Variants in DNAJC21 observed in about 807,000 individuals in gnomAD.
DNAJC21 encodes dnaJ homolog subfamily C member 21.
Under a neutral mutation model 72.4 loss-of-function variants are expected in DNAJC21, and 63 were observed. The observed-to-expected ratio is 0.87, with a 90% CI of 0.71 to 1.07. The LOEUF is 1.07. Among genes scored for constraint, DNAJC21 ranks in the 50% least tolerant of loss-of-function variants. DNAJC21 has a pLI of 0.00. For missense variants in DNAJC21, 634 were observed against 644.8 expected (o/e 0.98, Z 0.18); for synonymous variants, 203 against 216.7 (o/e 0.94, Z 0.56).
intron 8 of DNAJC21, 126 bp from the exon 9 acceptor site, chr5:34,945,635 T>G (rs1765151209): frequency 2.7e-6 from 2 of 741,576 alleles, no homozygotes; most frequent in South Asian, 5.1e-5. Flanking sequence ...TGCTTTAAGA[T>G]ATTAAATATT....
chr5:34,945,708 C>G, intron 8 of DNAJC21, 53 bp from the exon 9 acceptor site: 1 of 1,448,384 alleles, frequency 6.9e-7, no homozygotes, highest in Non-Finnish European at 9.1e-7. Context: ...TTTTTTTCCA[C>G]TTACTCTTCA....
In DNAJC21 at chr5:34,957,627, C is replaced by T. The variant is rs1165880754; in HGVS notation, c.*2913C>T. 2 of 152,084 alleles carry T rather than the reference C, an allele frequency of 1.3e-5. No homozygotes were observed. Among genetic ancestry groups the T allele is most frequent in the Non-Finnish European group, 2.9e-5 (2 of 68,018 alleles). 9.4% of individuals were successfully genotyped at this position (152,084 alleles called of 1,614,324 possible). ...AAGTTTTCATTTTTTCTAAATCCTC[C>T]CCTACAAAATTTTCAGATTGGAAAT... On this transcript the variant is annotated 3_prime_UTR_variant, in exon 12 of 12. Coordinates refer to ENST00000648817, the MANE Select transcript of DNAJC21 (RefSeq NM_001012339.3).
In DNAJC21 at chr5:34,956,070, A is replaced by G. The variant is rs986339329; in HGVS notation, c.*1356A>G. 3.3e-5 allele frequency: 5 copies of G among 152,102 alleles called. No individual in the cohort carries two copies. Among genetic ancestry groups the G allele is most frequent in the Non-Finnish European group, 7.3e-5 (5 of 68,060 alleles). 9.4% of individuals were successfully genotyped at this position (152,102 alleles called of 1,614,324 possible). A position where few individuals can be genotyped will look rare whatever the true frequency, so the allele number is the denominator to read the frequency against. ...TCCGTCTCAAAAAAAAAAAAAAAAA[A>G]AAAAAGAAAGTAATTTTAAACTCAC... On this transcript the variant is annotated 3_prime_UTR_variant, in exon 12 of 12. Transcript: ENST00000648817.
At position 34,954,611 on chromosome 5, in the gene DNAJC21, T is replaced by G; in HGVS notation, c.1493T>G (p.Phe498Cys). The change falls in exon 12 of 12, where the codon TTT (phenylalanine) becomes TGT (cysteine). Residue 498 changes from phenylalanine (F) to cysteine (C), a missense_variant. Coordinates refer to ENST00000648817, the MANE Select transcript of DNAJC21 (RefSeq NM_001012339.3). ...GAATTTCCATCTCGGAATAAACTTT[T>G]TGACCATCTAAAGGCCACAGGTCAT... Reference protein sequence around the residue: ...HSEFPSRNKLFDHLKATGHAR... With the variant: ...HSEFPSRNKLCDHLKATGHAR... 6.2e-7 allele frequency: 1 copy of G among 1,613,682 alleles called. No individual in the cohort carries two copies. The highest frequency in any genetic ancestry group is 1.1e-5 in the South Asian group (1 of 91,004).
At chr5:34,934,575 T>C (rs552660225) in intron 2 of DNAJC21, among the ~76,000 whole-genome samples, 3 of 152,242 alleles carry the variant, frequency 2.0e-5, no homozygotes, top group South Asian at 4.2e-4. Context: ...AAAACTACTT[T>C]ATATGAAGAA....
chr5:34,946,713 A>G (rs1290521662), intron 9 of DNAJC21, among the ~76,000 whole-genome samples: 1 of 152,172 alleles, frequency 6.6e-6, no homozygotes, highest in African/African-American at 2.4e-5. Flanking sequence ...CAAACACCTT[A>G]TAATTATTAG....
Position 34,944,949 on chromosome 5 carries a change from T to A in DNAJC21, c.1066T>A (p.Phe356Ile). Residue 356 changes from phenylalanine to isoleucine, a missense_variant, in exon 8 of 12, where the codon TTT becomes ATT. Phe to Ile is a conservative substitution (Grantham distance 21). Coordinates refer to ENST00000648817, the MANE Select transcript of DNAJC21 (RefSeq NM_001012339.3). ...KQQLEEEEEN[F>I]SRPQIDENPL... ...ACAGCTGGAGGAGGAAGAAGAAAATTTTTCAAGACCTCAAATTGATGAAAA... is the reference window on the plus strand; with the variant it reads ...ACAGCTGGAGGAGGAAGAAGAAAATATTTCAAGACCTCAAATTGATGAAAA... The A allele has an allele frequency of 6.2e-7, 1 of 1,614,018 alleles. No individual in the cohort carries two copies. Among genetic ancestry groups the A allele is most frequent in the Admixed American group, 1.7e-5 (1 of 59,998 alleles).
chr5:34,937,491 C>G lies in DNAJC21; in HGVS notation c.604C>G (p.Leu202Val). The stretch of plus-strand genomic sequence containing the variant: ...CAAAGCAAGGAAAGAGAAGAATGAG[C>G]TTGTCCGTCAGCTGGTAGCTTTCAT... ...RDKARKEKNE[L>V]VRQLVAFIRK... Residue 202 changes from leucine (L) to valine (V), a missense_variant, in exon 5 of 12, where the codon CTT (leucine) becomes GTT (valine). By Grantham distance (32) the Leu-to-Val change is conservative (BLOSUM62 1). Coordinates refer to ENST00000648817, the MANE Select transcript of DNAJC21 (RefSeq NM_001012339.3). 6.2e-7 allele frequency: 1 copy of G among 1,614,120 alleles called. No individual in the cohort carries two copies. The highest frequency in any genetic ancestry group is 8.5e-7 in the Non-Finnish European group (1 of 1,179,992).
Position 34,936,268 on chromosome 5 carries a change from T to C in DNAJC21, c.438+2T>C. 2 of 1,604,856 alleles carry C rather than the reference T, an allele frequency of 1.2e-6. No individual in the cohort carries two copies. The highest frequency in any genetic ancestry group is 1.7e-6 in the Non-Finnish European group (2 of 1,177,920). On this transcript the variant is annotated splice_donor_variant, in intron 4 of 11. Coordinates refer to ENST00000648817, the MANE Select transcript of DNAJC21 (RefSeq NM_001012339.3). LOFTEE classifies it high-confidence loss of function. ...GACTCCCAGAGTGACTATGATACGG[T>C]AAAATAAAAATGCATTGTTCTATAA...
Position 34,937,551 on chromosome 5 carries a change from A to G in DNAJC21, c.664A>G (p.Lys222Glu). The change falls in exon 5 of 12, where the codon AAA becomes GAA. Residue 222 changes from lysine (K) to glutamate (E), a missense_variant. Transcript: ENST00000648817. Reference sequence around the variant, plus strand: ...AGATAAAAGAGTGCAGGCGCATCGAAAACTTGTGGAAGAACAGAATGCAGA... The same window carrying G: ...AGATAAAAGAGTGCAGGCGCATCGAGAACTTGTGGAAGAACAGAATGCAGA... ...KRDKRVQAHR[K>E]LVEEQNAEKA... 6.2e-7 allele frequency: 1 copy of G among 1,614,024 alleles called. No individual in the cohort carries two copies. Among genetic ancestry groups the G allele is most frequent in the Non-Finnish European group, 8.5e-7 (1 of 1,179,888 alleles).
intron 6 of DNAJC21, among the ~76,000 whole-genome samples, chr5:34,940,814 T>C (rs938235337): frequency 6.6e-6 from 1 of 152,220 alleles, no homozygotes; most frequent in African/African-American, 2.4e-5. Flanking sequence ...GGTAGAACTA[T>C]GAAAGTGGGA....
At chr5:34,940,932 C>G (rs182322938) in intron 6 of DNAJC21, among the ~76,000 whole-genome samples, 164 bp from the exon 7 acceptor site, 29 of 152,152 alleles carry the variant, frequency 1.9e-4, no homozygotes, top group Admixed American at 3.9e-4. Flanking sequence ...TTATTTGGAG[C>G]CTTTCCTTAT....
At chr5:34,941,065 AG>A (rs758397853) in intron 6 of DNAJC21, 30 bp from the exon 7 acceptor site, 1 of 1,562,862 alleles carries the variant, frequency 6.4e-7, no homozygotes, top group South Asian at 1.1e-5. Context: ...CTGATCAAAG[AG>A]GGTTCTTACT....
intron 9 of DNAJC21, among the ~76,000 whole-genome samples, chr5:34,947,476 C>T (rs1339560987): frequency 6.6e-6 from 1 of 151,872 alleles, no homozygotes; most frequent in Non-Finnish European, 1.5e-5. Flanking sequence ...TTGTTAATCA[C>T]ATATTTAATG....
rs1765585930 is a variant in DNAJC21, at chr5:34,958,037, G to A, written c.*3323G>A. On this transcript the variant is annotated 3_prime_UTR_variant, in exon 12 of 12. Coordinates refer to ENST00000648817, the MANE Select transcript of DNAJC21 (RefSeq NM_001012339.3). Reference sequence around the variant, plus strand: ...TATGGAAGAGGAAGCTGAGCTCAGGGAGATATGAGCTCCACAGCCACAGCT... The same window carrying A: ...TATGGAAGAGGAAGCTGAGCTCAGGAAGATATGAGCTCCACAGCCACAGCT... The A allele has an allele frequency of 6.6e-6, 1 of 152,192 alleles. No homozygotes were observed. Among genetic ancestry groups the A allele is most frequent in the Non-Finnish European group, 1.5e-5 (1 of 68,030 alleles). The allele number at this position is 152,192 out of a possible 1,614,324, so 9.4% of individuals were successfully genotyped here.
Position 34,955,329 on chromosome 5 carries a change from T to C in DNAJC21, c.*615T>C, listed in dbSNP as rs1477513449. 3.3e-5 allele frequency: 5 copies of C among 152,044 alleles called. No homozygotes were observed. Among genetic ancestry groups the C allele is most frequent in the South Asian group, 2.1e-4 (1 of 4,830 alleles). 9.4% of individuals were successfully genotyped at this position (152,044 alleles called of 1,614,324 possible). On this transcript the variant is annotated 3_prime_UTR_variant, in exon 12 of 12. Transcript: ENST00000648817. The stretch of plus-strand genomic sequence containing the variant: ...TTGATTTAATTTGATATTTTACTGG[T>C]TTACCAGTAAGGTGTATTGTTCAGT...
chr5:34,949,351 C>G (rs1215958271), intron 9 of DNAJC21, among the ~76,000 whole-genome samples: 1 of 152,042 alleles, frequency 6.6e-6, no homozygotes, highest in African/African-American at 2.4e-5. Flanking sequence ...GGGAGCTGCT[C>G]TAGAATAAAG....
At chr5:34,937,733 T>C (rs1764839934) in intron 5 of DNAJC21, 103 bp downstream of exon 5, 1 of 1,341,572 alleles carries the variant, frequency 7.5e-7, no homozygotes, top group African/African-American at 1.5e-5. Flanking sequence ...TCAGCCTGGC[T>C]TTATCCTGCT....
Position 34,938,871 on chromosome 5 carries a change from T to C in DNAJC21, c.757T>C (p.Tyr253His), listed in dbSNP as rs571760621. 6.8e-5 allele frequency: 110 copies of C among 1,613,664 alleles called. No homozygotes were observed. In the South Asian group the frequency reaches 1.2e-3, roughly 17 times the overall value. Residue 253 changes from tyrosine to histidine, a missense_variant, in exon 6 of 12, where the codon TAC becomes CAC. Tyr to His is a moderately conservative substitution (Grantham distance 83). Transcript: ENST00000648817. ...KLKQAKLVEQ[Y>H]REQSWMTMAN... ...GTATGTGTCTAGACTGGTGGAGCAG[T>C]ACAGAGAACAGAGCTGGATGACTAT...
Sources: gnomAD v4.1 joint callset for allele counts (sites outside exome capture counted in the v4.1 genomes callset) on GRCh38, gnomAD v4.1.1 for gene constraint, MANE v1.5 for transcripts, NCBI Gene and HGNC (gene_info 2026-07-23, HGNC 2026-07-21) for gene names.